Variants in SFMBT1 observed in about 807,000 individuals in gnomAD.
SFMBT1 encodes Scm like with four mbt domains 1, also known as scm-like with four MBT domains protein 1.
Under a neutral mutation model 108.7 loss-of-function variants are expected in SFMBT1, and 32 were observed. That is an observed-to-expected ratio of 0.29 (90% CI 0.22 to 0.40). The LOEUF is 0.40. SFMBT1 is among the 10% of genes least tolerant of loss of function. The pLI, the probability that SFMBT1 is intolerant of heterozygous loss-of-function variation, is 1.00. For synonymous variants in SFMBT1, 348 were observed against 369.5 expected, an observed-to-expected ratio of 0.94 and a Z score of 0.67; for missense variants, 816 against 1,059.6, an observed-to-expected ratio of 0.77 and a Z score of 3.19.
intron 16 of SFMBT1, 58 bp downstream of exon 16, chr3:52,912,480 T>C: frequency 6.8e-7 from 1 of 1,481,322 alleles, no homozygotes; most frequent in Non-Finnish European, 9.4e-7. Flanking sequence ...GCCACGCCGA[T>C]TCTGTGACTT....
At chr3:52,950,913 A>G (rs1703558246) in intron 3 of SFMBT1, among the ~76,000 whole-genome samples, 2 of 151,930 alleles carry the variant, frequency 1.3e-5, no homozygotes, top group African/African-American at 4.8e-5. Context: ...AAGGAGTTCA[A>G]AACCAGCCTG....
chr3:52,997,517 C>G (rs1237376457), intron 1 of SFMBT1, among the ~76,000 whole-genome samples: 1 of 147,912 alleles, frequency 6.8e-6, no homozygotes, highest in Non-Finnish European at 1.5e-5. Context: ...GCCTGGGTGA[C>G]AGAGCGAGAG....
intron 1 of SFMBT1, among the ~76,000 whole-genome samples, chr3:53,008,725 GGTTTACTTACACCATT>G (rs1698836079): frequency 6.6e-6 from 1 of 151,452 alleles, no homozygotes; most frequent in Non-Finnish European, 1.5e-5. Context: ...CCGCCTCCCA[GGTTTACTTACACCATT>G]CTCCTGCCTC....
At chr3:52,926,489 C>A (rs866251831) in intron 9 of SFMBT1, among the ~76,000 whole-genome samples, 1 of 152,242 alleles carries the variant, frequency 6.6e-6, no homozygotes, top group Middle Eastern at 3.4e-3. Context: ...TCTAAAGGGA[C>A]TCGGGCTCTC....
intron 1 of SFMBT1, among the ~76,000 whole-genome samples, chr3:52,972,997 G>A (rs1202667072): frequency 1.3e-5 from 2 of 152,042 alleles, no homozygotes; most frequent in Non-Finnish European, 2.9e-5. Context: ...ACTCCAGCAT[G>A]GGTGACAGAG....
At chr3:52,939,040 A>C (rs931261689) in intron 4 of SFMBT1, among the ~76,000 whole-genome samples, 10 of 152,254 alleles carry the variant, frequency 6.6e-5, no homozygotes, top group African/African-American at 1.2e-4. Flanking sequence ...TAAGTACATT[A>C]CATTCCATTG....
At chr3:53,044,722 G>A (rs753061733) in intron 1 of SFMBT1, among the ~76,000 whole-genome samples, 3 of 152,184 alleles carry the variant, frequency 2.0e-5, no homozygotes, top group Non-Finnish European at 1.5e-5. Flanking sequence ...TCTCTTTGAT[G>A]GTTACTTGGT....
At chr3:53,020,672 G>A (rs552179071) in intron 1 of SFMBT1, among the ~76,000 whole-genome samples, 1 of 152,324 alleles carries the variant, frequency 6.6e-6, no homozygotes, top group South Asian at 2.1e-4. Context: ...GGAAGAAGGA[G>A]GGAGAAGGGG....
At chr3:52,988,932 C>T (rs1042177096) in intron 1 of SFMBT1, among the ~76,000 whole-genome samples, 5 of 152,162 alleles carry the variant, frequency 3.3e-5, no homozygotes, top group African/African-American at 1.2e-4. Flanking sequence ...ACCCTAGTCA[C>T]ACCTTAATAG....
chr3:52,908,250 T>A (rs1702126044), intron 17 of SFMBT1, among the ~76,000 whole-genome samples: 1 of 151,678 alleles, frequency 6.6e-6, no homozygotes, highest in Admixed American at 6.6e-5. Context: ...ATTTTTATAC[T>A]TTTAGTAGAG....
chr3:53,043,961 T>C (rs1253189812), intron 1 of SFMBT1, among the ~76,000 whole-genome samples: 4 of 152,192 alleles, frequency 2.6e-5, no homozygotes, highest in Non-Finnish European at 5.9e-5. Context: ...GGGGAATGTG[T>C]TTACTGAATG....
intron 9 of SFMBT1, among the ~76,000 whole-genome samples, chr3:52,927,461 G>C (rs1327486043): frequency 6.6e-6 from 1 of 152,184 alleles, no homozygotes; most frequent in Non-Finnish European, 1.5e-5. Flanking sequence ...GTGATGCTAT[G>C]CTTTACTGAA....
At chr3:52,920,776 T>C in intron 11 of SFMBT1, 126 bp from the exon 12 acceptor site, 3 of 609,106 alleles carry the variant, frequency 4.9e-6, no homozygotes, top group Non-Finnish European at 8.5e-6. Flanking sequence ...CACAAGTCTC[T>C]TGACACAGAA....
intron 1 of SFMBT1, among the ~76,000 whole-genome samples, chr3:53,024,059 G>A (rs1699402983): frequency 1.3e-5 from 2 of 152,164 alleles, no homozygotes; most frequent in African/African-American, 4.8e-5. Context: ...TTCTAGTGAA[G>A]GAGAGGCAAT....
At chr3:52,920,837 T>C (rs2106779592) in intron 11 of SFMBT1, among the ~76,000 whole-genome samples, 187 bp from the exon 12 acceptor site, 1 of 152,328 alleles carries the variant, frequency 6.6e-6, no homozygotes, top group Admixed American at 6.5e-5. Context: ...CTGTCTTCCA[T>C]GTAAAACTGT....
intron 1 of SFMBT1, among the ~76,000 whole-genome samples, chr3:53,016,059 A>C (rs530978212): frequency 6.6e-6 from 1 of 152,154 alleles, no homozygotes; most frequent in Non-Finnish European, 1.5e-5. Flanking sequence ...GATTTAGAAT[A>C]CTGTCTTTCT....
chr3:52,948,627 AATTATTATT>A (rs71087037), intron 3 of SFMBT1, among the ~76,000 whole-genome samples: 7 of 148,594 alleles, frequency 4.7e-5, no homozygotes, highest in African/African-American at 1.5e-4. Flanking sequence ...GTTGCCTTAC[AATTATTATT>A]ATTATTATTA....
At chr3:53,005,699 T>A (rs1698715723) in intron 1 of SFMBT1, among the ~76,000 whole-genome samples, 1 of 152,160 alleles carries the variant, frequency 6.6e-6, no homozygotes, top group African/African-American at 2.4e-5. Flanking sequence ...ACACACAACA[T>A]GTGTTTCAGG....
At chr3:52,932,790 A>G (rs1366529297) in intron 5 of SFMBT1, among the ~76,000 whole-genome samples, 3 of 152,198 alleles carry the variant, frequency 2.0e-5, no homozygotes, top group Admixed American at 1.3e-4. Flanking sequence ...AGGCACCTGT[A>G]GTCCCAGCTA....
Sources: allele counts gnomAD v4.1 joint callset (sites outside exome capture counted in the v4.1 genomes callset), GRCh38; gene constraint gnomAD v4.1.1; transcripts MANE v1.5; gene names NCBI Gene and HGNC (gene_info 2026-07-23, HGNC 2026-07-21).